The following SLC23A2 variants were observed in gnomAD, a reference collection of about 807,000 sequenced individuals.
SLC23A2 encodes solute carrier family 23 member 2.
A neutral mutation model predicts 73.3 loss-of-function variants in SLC23A2; 36 were observed. The observed-to-expected ratio is 0.49, with a 90% CI of 0.38 to 0.65. The LOEUF (loss-of-function observed/expected upper bound fraction) is 0.65. Ranked by LOEUF, SLC23A2 falls within the 30% of genes least tolerant of loss-of-function variation. The pLI is 0.00. For missense variants in SLC23A2, 507 were observed against 841.6 expected (o/e 0.60, Z 4.92); for synonymous variants, 343 against 327.3 (o/e 1.05, Z -0.52).
intron 9 of SLC23A2, among the ~76,000 whole-genome samples, chr20:4,876,526 C>A (rs550745913): frequency 5.3e-5 from 8 of 152,314 alleles, no homozygotes; most frequent in Middle Eastern, 3.4e-3. Context: ...GGTGCAGACC[C>A]GCCCATGTCC....
intron 15 of SLC23A2, among the ~76,000 whole-genome samples, chr20:4,861,123 C>T (rs138025797): frequency 3.9e-5 from 6 of 152,294 alleles, no homozygotes; most frequent in African/African-American, 9.6e-5. Flanking sequence ...AAGCCAGATA[C>T]AAAAAGCCAC....
At position 4,982,978 on chromosome 20, in the gene SLC23A2, G is replaced by A. The variant is rs1237733692; in HGVS notation, c.-281-12059C>T. ...AAATTAGCCGGGCATGGTAGCACAC[G>A]CCTGTAATCCCAGCTACTCGGGAGG... On this transcript the variant is annotated intron_variant, in intron 1 of 16. Transcript: ENST00000338244. Among the ~76,000 whole-genome samples the A allele has an allele frequency of 5.9e-5, 9 of 152,052 alleles. No homozygotes were observed. In the East Asian group the frequency reaches 1.7e-3, roughly 29 times the overall value.
chr20:4,978,976 A>C (rs974424699), intron 1 of SLC23A2, among the ~76,000 whole-genome samples: 4 of 152,180 alleles, frequency 2.6e-5, no homozygotes, highest in Admixed American at 2.0e-4. Flanking sequence ...TACTAGAGCA[A>C]AACTAAGAAA....
In SLC23A2 at chr20:4,932,536, T is replaced by G. The variant is rs1436023003; in HGVS notation, c.27A>C (p.Thr9=). ...AACTTCCAGCCTCCATTGATTTGGA[T>G]GTGGTATTCTTACCAATACCCATCA... is the stretch of plus-strand genomic sequence containing the variant. MMGIGKNT[T]SKSMEAGSST... Residue 9 remains threonine, a synonymous_variant, in exon 3 of 17, where the codon ACA becomes ACC. Coordinates refer to ENST00000338244, the MANE Select transcript of SLC23A2 (RefSeq NM_005116.6). The G allele has an allele frequency of 6.2e-7, 1 of 1,604,398 alleles. No individual in the cohort carries two copies. Among genetic ancestry groups the G allele is most frequent in the Non-Finnish European group, 8.5e-7 (1 of 1,171,064 alleles).
In SLC23A2 at chr20:4,932,692, G is replaced by T; in HGVS notation, c.-130C>A. ...CCCCCGATTCTCAAGCAGAGATGAG[G>T]CCTGCAAACGGCATCTCTTAGCACC... On this transcript the variant is annotated 5_prime_UTR_variant, in exon 3 of 17. Coordinates refer to ENST00000338244, the MANE Select transcript of SLC23A2 (RefSeq NM_005116.6). The T allele has an allele frequency of 1.6e-6, 1 of 634,794 alleles. No individual in the cohort carries two copies. The allele number at this position is 634,794 out of a possible 1,614,324, so 39.3% of individuals were successfully genotyped here.
At chr20:4,941,553 A>G (rs1171401089) in intron 2 of SLC23A2, among the ~76,000 whole-genome samples, 1 of 151,600 alleles carries the variant, frequency 6.6e-6, no homozygotes, top group Non-Finnish European at 1.5e-5. Context: ...AATATAAAAA[A>G]TAGCCAGGCG....
intron 4 of SLC23A2, among the ~76,000 whole-genome samples, chr20:4,903,199 C>T (rs1931817029): frequency 6.6e-6 from 1 of 151,962 alleles, no homozygotes; most frequent in Non-Finnish European, 1.5e-5. Flanking sequence ...TCTCCTAACA[C>T]TAGTAAAAAA....
chr20:4,977,727 C>A (rs1009767608), intron 1 of SLC23A2, among the ~76,000 whole-genome samples: 1 of 151,246 alleles, frequency 6.6e-6, no homozygotes, highest in South Asian at 2.1e-4. Context: ...AGAAAAGAGA[C>A]GAGATCTCAT....
chr20:4,884,896 A>T, intron 7 of SLC23A2, 73 bp from the exon 8 acceptor site: 1 of 882,688 alleles, frequency 1.1e-6, no homozygotes. Context: ...TTACCTTTTA[A>T]GAAGAATTTT....
chr20:4,964,677 G>A (rs1363206693), intron 2 of SLC23A2, among the ~76,000 whole-genome samples: 1 of 151,746 alleles, frequency 6.6e-6, no homozygotes, highest in African/African-American at 2.4e-5. Context: ...AAAATGAAGG[G>A]ACACCAAAAA....
intron 9 of SLC23A2, among the ~76,000 whole-genome samples, chr20:4,877,913 A>G (rs960461975): frequency 6.6e-6 from 1 of 152,252 alleles, no homozygotes; most frequent in African/African-American, 2.4e-5. Context: ...CTCCGTCTCT[A>G]AACTCCATCT....
intron 2 of SLC23A2, among the ~76,000 whole-genome samples, chr20:4,933,408 G>A (rs892911797): frequency 1.3e-5 from 2 of 151,772 alleles, no homozygotes; most frequent in Admixed American, 6.6e-5. Context: ...GAGGTCAGGA[G>A]TTTGAGACCA....
chr20:4,904,011 T>C (rs1208616524), intron 4 of SLC23A2, among the ~76,000 whole-genome samples: 1 of 152,172 alleles, frequency 6.6e-6, no homozygotes, highest in African/African-American at 2.4e-5. Flanking sequence ...CATGTCTTTT[T>C]AGGCCCAGTG....
intron 2 of SLC23A2, among the ~76,000 whole-genome samples, chr20:4,951,795 T>C (rs1355790026): frequency 6.6e-6 from 1 of 152,076 alleles, no homozygotes; most frequent in Non-Finnish European, 1.5e-5. Flanking sequence ...TACACCTCAA[T>C]AAAACTTTTT....
At chr20:4,971,482 AAAAT>A (rs558413545) in intron 1 of SLC23A2, among the ~76,000 whole-genome samples, 8 of 151,882 alleles carry the variant, frequency 5.3e-5, no homozygotes, top group African/African-American at 9.7e-5. Flanking sequence ...CTCTGTCTCA[AAAAT>A]AAATAAATAA....
At chr20:4,877,403 TAGAA>T (rs1257701510) in intron 9 of SLC23A2, among the ~76,000 whole-genome samples, 1 of 152,166 alleles carries the variant, frequency 6.6e-6, no homozygotes, top group Non-Finnish European at 1.5e-5. Flanking sequence ...TGTGCAGCTT[TAGAA>T]AGAAAGAGAT....
intron 1 of SLC23A2, among the ~76,000 whole-genome samples, chr20:4,973,694 T>G (rs1270454270): frequency 1.3e-5 from 2 of 152,190 alleles, no homozygotes; most frequent in African/African-American, 4.8e-5. Context: ...CACCGCACTC[T>G]GGAAACATGA....
intron 15 of SLC23A2, among the ~76,000 whole-genome samples, chr20:4,861,657 T>TA (rs1456940059): frequency 6.6e-6 from 1 of 152,158 alleles, no homozygotes; most frequent in Non-Finnish European, 1.5e-5. Flanking sequence ...ATTAGTCTAT[T>TA]AAGATAGACT....
chr20:4,906,237 T>G (rs904590436), intron 4 of SLC23A2, among the ~76,000 whole-genome samples: 1 of 150,338 alleles, frequency 6.7e-6, no homozygotes, highest in Non-Finnish European at 1.5e-5. Context: ...CGCTCAGGAG[T>G]CTGAGGTAGG....
Sources: gnomAD v4.1 joint callset for allele counts (sites outside exome capture counted in the v4.1 genomes callset) on GRCh38, gnomAD v4.1.1 for gene constraint, MANE v1.5 for transcripts, NCBI Gene and HGNC (gene_info 2026-07-23, HGNC 2026-07-21) for gene names.